RERE: variants seen among roughly 807,000 people sequenced by gnomAD.
RERE encodes the protein arginine-glutamic acid dipeptide repeats.
Under a neutral mutation model 146.1 loss-of-function variants are expected in RERE, and 40 were observed. The observed-to-expected ratio is 0.27, with a 90% CI of 0.21 to 0.36. The LOEUF is 0.36. RERE is among the 10% of genes least tolerant of loss of function. The pLI is 1.00. For synonymous variants in RERE, 1,003 were observed against 866.0 expected (o/e 1.16, Z -2.78); for missense variants, 1,933 against 2,138.7 (o/e 0.90, Z 1.90).
chr1:8,577,911 G>A (rs1646316177), intron 4 of RERE, among the ~76,000 whole-genome samples: 1 of 152,132 alleles, frequency 6.6e-6, no homozygotes, highest in East Asian at 1.9e-4. Context: ...TGGCCAACAT[G>A]GCAAAACCCT....
intron 7 of RERE, among the ~76,000 whole-genome samples, chr1:8,525,381 C>T (rs1645557195): frequency 6.6e-6 from 1 of 152,192 alleles, no homozygotes; most frequent in Non-Finnish European, 1.5e-5. Context: ...CCAGGCATTC[C>T]ATACTAGCCA....
Position 8,358,349 on chromosome 1 carries a change from G to A in RERE, c.4186C>T (p.Leu1396=), listed in dbSNP as rs150854879. 4 of 1,612,690 alleles carry A rather than the reference G, an allele frequency of 2.5e-6. No individual in the cohort carries two copies. Among genetic ancestry groups the A allele is most frequent in the African/African-American group, 2.7e-5 (2 of 75,038 alleles). The change falls in exon 20 of 23, where the codon CTG becomes TTG. Residue 1396 remains leucine, a synonymous_variant. Coordinates refer to ENST00000400908, the MANE Select transcript of RERE (RefSeq NM_001042681.2). ...LRPEMSYPDR[L]AAERIHAERM... ...TCTGCGTGGATACGCTCGGCTGCCA[G>A]TCTGTCAGGGTAGCTCATCTCGGGC...
intron 4 of RERE, among the ~76,000 whole-genome samples, chr1:8,607,110 T>C (rs1298873107): frequency 6.6e-6 from 1 of 152,144 alleles, no homozygotes; most frequent in African/African-American, 2.4e-5. Flanking sequence ...ATTGTAACCC[T>C]AACCCTTTCA....
At chr1:8,786,696 G>C (rs941340330) in intron 1 of RERE, 12 of 787,176 alleles carry the variant, frequency 1.5e-5, no homozygotes, top group Admixed American at 3.4e-5. Context: ...CAGGTACACA[G>C]AAGTTGCCAG....
At chr1:8,602,100 T>A (rs1646638570) in intron 4 of RERE, among the ~76,000 whole-genome samples, 1 of 151,880 alleles carries the variant, frequency 6.6e-6, no homozygotes, top group African/African-American at 2.4e-5. Context: ...CATAAAGAAA[T>A]GAAAAGCAGT....
At chr1:8,495,890 C>G (rs1182191173) in intron 9 of RERE, among the ~76,000 whole-genome samples, 1 of 152,040 alleles carries the variant, frequency 6.6e-6, no homozygotes, top group African/African-American at 2.4e-5. Flanking sequence ...AGTAAAAAAT[C>G]ATGGCTGGGT....
At chr1:8,699,497 GATTA>G (rs1639402284) in intron 1 of RERE, among the ~76,000 whole-genome samples, 1 of 152,096 alleles carries the variant, frequency 6.6e-6, no homozygotes, top group Non-Finnish European at 1.5e-5. Context: ...CTATTTCATG[GATTA>G]ATTAGATTTT....
intron 3 of RERE, among the ~76,000 whole-genome samples, chr1:8,621,340 C>A (rs1646913317): frequency 6.6e-6 from 1 of 152,168 alleles, no homozygotes; most frequent in Non-Finnish European, 1.5e-5. Context: ...AGAGCTATTT[C>A]ATGAAATGTG....
intron 1 of RERE, among the ~76,000 whole-genome samples, chr1:8,758,521 A>G (rs1640691555): frequency 6.6e-6 from 1 of 151,406 alleles, no homozygotes; most frequent in Admixed American, 6.6e-5. Context: ...CCTCCTAAGT[A>G]GCTGGGACTA....
At chr1:8,432,187 G>A (rs1644104894) in intron 11 of RERE, among the ~76,000 whole-genome samples, 1 of 152,116 alleles carries the variant, frequency 6.6e-6, no homozygotes, top group South Asian at 2.1e-4. Context: ...TTAGTTAACA[G>A]CCTCCACAAT....
intron 2 of RERE, among the ~76,000 whole-genome samples, chr1:8,647,676 T>C (rs1037082425): frequency 7.3e-5 from 11 of 151,436 alleles, no homozygotes; most frequent in African/African-American, 1.7e-4. Context: ...TGTGTGTGTG[T>C]GTCCCCTGGA....
intron 1 of RERE, among the ~76,000 whole-genome samples, chr1:8,680,486 T>G (rs17032734): frequency 0.026 from 4,004 of 152,108 alleles, 160 homozygotes; most frequent in African/African-American, 0.09. Flanking sequence ...CCATAGAAAA[T>G]GTTTCCAGAA....
chr1:8,410,258 C>T (rs1160539390), intron 12 of RERE, among the ~76,000 whole-genome samples: 2 of 152,154 alleles, frequency 1.3e-5, no homozygotes, highest in Non-Finnish European at 2.9e-5. Context: ...CCACTTTCTC[C>T]TCTTTGTAGA....
chr1:8,716,668 C>T (rs1043977003), intron 1 of RERE, among the ~76,000 whole-genome samples: 2 of 151,498 alleles, frequency 1.3e-5, no homozygotes, highest in Admixed American at 6.6e-5. Flanking sequence ...ACATATATTA[C>T]CTAGAAAAAA....
chr1:8,541,605 G>C (rs1645801703), intron 6 of RERE, among the ~76,000 whole-genome samples: 1 of 152,114 alleles, frequency 6.6e-6, no homozygotes, highest in African/African-American at 2.4e-5. Flanking sequence ...AAACAAAGTA[G>C]AAATGGAGAA....
At chr1:8,587,463 A>G (rs572181826) in intron 4 of RERE, among the ~76,000 whole-genome samples, 17 of 152,324 alleles carry the variant, frequency 1.1e-4, no homozygotes, top group Admixed American at 9.1e-4. Context: ...TTTTGTTGCA[A>G]AGCAGATAAA....
In RERE at chr1:8,354,905, G is replaced by A. The variant is rs1313021948; in HGVS notation, c.*182C>T. On this transcript the variant is annotated 3_prime_UTR_variant, in exon 23 of 23. Transcript: ENST00000400908. ...GCAGGGAGATCCAAACCAGTCTCAG[G>A]AAATCCTCTCGACAAACGAACACTA... 1.6e-6 allele frequency: 1 copy of A among 609,576 alleles called. No individual in the cohort carries two copies. Among genetic ancestry groups the A allele is most frequent in the Admixed American group, 3.1e-5 (1 of 32,760 alleles). The allele number at this position is 609,576 out of a possible 1,614,324, so 37.8% of individuals were successfully genotyped here.
intron 1 of RERE, among the ~76,000 whole-genome samples, chr1:8,687,280 G>A (rs1326114007): frequency 6.6e-6 from 1 of 152,196 alleles, no homozygotes; most frequent in Non-Finnish European, 1.5e-5. Flanking sequence ...CAAGCAGTGG[G>A]GAAAGCACAG....
At chr1:8,419,566 T>C (rs1643865996) in intron 12 of RERE, among the ~76,000 whole-genome samples, 2 of 152,190 alleles carry the variant, frequency 1.3e-5, no homozygotes, top group South Asian at 2.1e-4. Flanking sequence ...GCTCAGTATA[T>C]TTACAAGCAG....
Sources: gnomAD v4.1 joint callset for allele counts (sites outside exome capture counted in the v4.1 genomes callset) on GRCh38, gnomAD v4.1.1 for gene constraint, MANE v1.5 for transcripts, NCBI Gene and HGNC (gene_info 2026-07-23, HGNC 2026-07-21) for gene names.